KCTD8: variants seen among roughly 807,000 people sequenced by gnomAD.
KCTD8 encodes the protein potassium channel tetramerization domain containing 8.
KCTD8 carries 27 observed loss-of-function variants against 31.5 expected under a neutral mutation model. The observed-to-expected ratio is 0.86, with a 90% CI of 0.63 to 1.18. The LOEUF (loss-of-function observed/expected upper bound fraction) is 1.18. KCTD8 is among the 50% of genes most tolerant of loss of function. The probability of loss-of-function intolerance (pLI) is 0.00; values close to 1 mark genes in which losing one functional copy is unlikely to be tolerated. For synonymous variants in KCTD8, 290 were observed against 280.0 expected (o/e 1.04, Z -0.36); for missense variants, 658 against 647.7 (o/e 1.02, Z -0.17).
chr4:44,199,724 A>C (rs780557405), intron 1 of KCTD8, among the ~76,000 whole-genome samples: 2 of 152,106 alleles, frequency 1.3e-5, no homozygotes, highest in Non-Finnish European at 2.9e-5. Flanking sequence ...TTAATGATTT[A>C]ACATCACACC....
intron 1 of KCTD8, among the ~76,000 whole-genome samples, chr4:44,446,275 C>G (rs1023139882): frequency 2.6e-5 from 4 of 152,150 alleles, no homozygotes; most frequent in African/African-American, 9.7e-5. Flanking sequence ...TTGTTCAGTT[C>G]CCAATTACTG....
At chr4:44,340,106 GA>G (rs143164670) in intron 1 of KCTD8, among the ~76,000 whole-genome samples, 4,424 of 152,184 alleles carry the variant, frequency 0.029, 233 homozygotes, top group African/African-American at 0.1. Flanking sequence ...TGGAGAAACA[GA>G]AACTCCTATA....
At chr4:44,270,771 T>C (rs1716572689) in intron 1 of KCTD8, among the ~76,000 whole-genome samples, 1 of 152,142 alleles carries the variant, frequency 6.6e-6, no homozygotes. Flanking sequence ...ATATACGTTA[T>C]TGATGCTTAT....
intron 1 of KCTD8, among the ~76,000 whole-genome samples, chr4:44,337,389 C>T (rs893561641): frequency 6.6e-6 from 1 of 151,944 alleles, no homozygotes; most frequent in African/African-American, 2.4e-5. Flanking sequence ...AGAACATATA[C>T]AGTCAGCTGG....
intron 1 of KCTD8, among the ~76,000 whole-genome samples, chr4:44,255,760 G>A (rs570296355): frequency 5.9e-5 from 9 of 151,944 alleles, no homozygotes; most frequent in African/African-American, 1.7e-4. Flanking sequence ...AATTCTAGAT[G>A]TAAACATAAT....
chr4:44,310,488 A>G (rs1194216575), intron 1 of KCTD8, among the ~76,000 whole-genome samples: 5 of 152,154 alleles, frequency 3.3e-5, no homozygotes, highest in African/African-American at 9.6e-5. Context: ...GTCTCCTGAT[A>G]TGGCCTAAAC....
At chr4:44,244,737 A>T (rs962187997) in intron 1 of KCTD8, among the ~76,000 whole-genome samples, 26 of 151,856 alleles carry the variant, frequency 1.7e-4, no homozygotes, top group Non-Finnish European at 3.8e-4. Context: ...CTACACAGAG[A>T]GACCAGGAAG....
At chr4:44,267,595 T>C (rs1329743374) in intron 1 of KCTD8, among the ~76,000 whole-genome samples, 1 of 152,050 alleles carries the variant, frequency 6.6e-6, no homozygotes, top group Non-Finnish European at 1.5e-5. Context: ...AAAAAATTAA[T>C]GAATCCAGGA....
At chr4:44,317,228 C>CTTTTTTTTTTTTTTTTTTTTTTTT (rs760060899) in intron 1 of KCTD8, among the ~76,000 whole-genome samples, 4 of 36,534 alleles carry the variant, frequency 1.1e-4, no homozygotes, top group East Asian at 1.0e-3. Context: ...TGGGTGCTTT[C>CTTTTTTTTTTTTTTTTTTTTTTTT]TTTTTTTTTT....
At chr4:44,295,271 AGG>A (rs1717395163) in intron 1 of KCTD8, among the ~76,000 whole-genome samples, 1 of 152,192 alleles carries the variant, frequency 6.6e-6, no homozygotes, top group African/African-American at 2.4e-5. Context: ...ACTCCAGCCC[AGG>A]TGACAGAATG....
At chr4:44,211,790 A>T (rs1271371058) in intron 1 of KCTD8, among the ~76,000 whole-genome samples, 1 of 152,140 alleles carries the variant, frequency 6.6e-6, no homozygotes, top group African/African-American at 2.4e-5. Context: ...AGAGGAAATT[A>T]AAAATATCCC....
intron 1 of KCTD8, among the ~76,000 whole-genome samples, chr4:44,202,464 C>T (rs747051923): frequency 3.3e-5 from 5 of 152,146 alleles, no homozygotes; most frequent in Non-Finnish European, 7.3e-5. Context: ...TGAACAAAAT[C>T]GTATCCTTTG....
At chr4:44,421,737 A>G (rs1385288341) in intron 1 of KCTD8, among the ~76,000 whole-genome samples, 1 of 152,108 alleles carries the variant, frequency 6.6e-6, no homozygotes, top group Admixed American at 6.6e-5. Context: ...CCCACCTTTT[A>G]TAACAGACAA....
intron 1 of KCTD8, among the ~76,000 whole-genome samples, chr4:44,359,311 T>C (rs917914304): frequency 1.3e-5 from 2 of 152,122 alleles, no homozygotes; most frequent in Non-Finnish European, 2.9e-5. Flanking sequence ...CTTCTTCTAT[T>C]AACTGGCTTT....
At chr4:44,270,937 T>A (rs1005211664) in intron 1 of KCTD8, among the ~76,000 whole-genome samples, 2 of 152,056 alleles carry the variant, frequency 1.3e-5, no homozygotes, top group Non-Finnish European at 2.9e-5. Context: ...CTTCTTTCAT[T>A]CCTACATTCG....
intron 1 of KCTD8, among the ~76,000 whole-genome samples, chr4:44,413,604 G>A: frequency 6.8e-6 from 1 of 147,314 alleles, no homozygotes; most frequent in Non-Finnish European, 1.5e-5. Context: ...AGGGTAGTTT[G>A]GAAATCCAAT....
intron 1 of KCTD8, among the ~76,000 whole-genome samples, chr4:44,369,621 C>T (rs143746392): frequency 1.0e-3 from 152 of 152,136 alleles, no homozygotes; most frequent in East Asian, 6.0e-3. Flanking sequence ...GCCTGGGCTA[C>T]GTGGCAAAAC....
At chr4:44,268,699 C>G (rs1033454431) in intron 1 of KCTD8, among the ~76,000 whole-genome samples, 1 of 152,204 alleles carries the variant, frequency 6.6e-6, no homozygotes, top group Non-Finnish European at 1.5e-5. Flanking sequence ...AGCAAAGTCT[C>G]AGGATACAAA....
At chr4:44,411,949 G>A (rs1391842788) in intron 1 of KCTD8, among the ~76,000 whole-genome samples, 5 of 152,050 alleles carry the variant, frequency 3.3e-5, no homozygotes, top group African/African-American at 7.2e-5. Flanking sequence ...ATACATTTCT[G>A]CTGTTTTAAG....
Sources: allele counts gnomAD v4.1 joint callset (sites outside exome capture counted in the v4.1 genomes callset), GRCh38; gene constraint gnomAD v4.1.1; transcripts MANE v1.5; gene names NCBI Gene and HGNC (gene_info 2026-07-23, HGNC 2026-07-21).